The following SLC8A1 variants were observed in gnomAD, a reference collection of about 807,000 sequenced individuals.
The protein encoded by SLC8A1 is solute carrier family 8 member A1.
Under a neutral mutation model 68.3 loss-of-function variants are expected in SLC8A1, and 18 were observed. The ratio of observed to expected loss-of-function variants is 0.26; its 90% confidence interval spans 0.18 to 0.39. The LOEUF is 0.39. Among genes scored for constraint, SLC8A1 ranks in the 10% least tolerant of loss-of-function variants. The probability of loss-of-function intolerance (pLI) is 1.00; values close to 1 mark genes in which losing one functional copy is unlikely to be tolerated. For missense variants in SLC8A1, 985 were observed against 1,156.7 expected (o/e 0.85, Z 2.15); for synonymous variants, 475 against 415.5 (o/e 1.14, Z -1.74).
At chr2:40,241,115 T>C (rs775485272) in intron 2 of SLC8A1, among the ~76,000 whole-genome samples, 3 of 151,832 alleles carry the variant, frequency 2.0e-5, no homozygotes, top group East Asian at 1.9e-4. Context: ...CCATCAACAG[T>C]GGATTGGATA....
At chr2:40,482,829 A>C (rs1367154511) in intron 1 of SLC8A1, among the ~76,000 whole-genome samples, 16 of 137,466 alleles carry the variant, frequency 1.2e-4, no homozygotes, top group Admixed American at 4.7e-4. Context: ...CTCGCTCTGT[A>C]GCCCAGGTTG....
chr2:40,289,035 C>A (rs2149221328), intron 2 of SLC8A1, among the ~76,000 whole-genome samples: 1 of 151,614 alleles, frequency 6.6e-6, no homozygotes, highest in African/African-American at 2.4e-5. Context: ...ACAATATTAT[C>A]CTATGTTCTA....
At chr2:40,455,515 G>A (rs1702947090), upstream of SLC8A1, among the ~76,000 whole-genome samples, 1 of 151,956 alleles carries the variant, frequency 6.6e-6, no homozygotes, top group African/African-American at 2.4e-5. Flanking sequence ...TCAGTCACAG[G>A]CTCAGTTTCA....
At chr2:40,299,485 TGGAA>T (rs1035898867) in intron 2 of SLC8A1, among the ~76,000 whole-genome samples, 1 of 152,176 alleles carries the variant, frequency 6.6e-6, no homozygotes, top group African/African-American at 2.4e-5. Context: ...GAAGGAGCCC[TGGAA>T]GATCTGTTCT....
At chr2:40,272,471 G>A (rs2066167614) in intron 2 of SLC8A1, among the ~76,000 whole-genome samples, 1 of 152,188 alleles carries the variant, frequency 6.6e-6, no homozygotes, top group Non-Finnish European at 1.5e-5. Context: ...GCCCCTTAGA[G>A]TAATAACAGA....
At chr2:40,381,130 A>C (rs967351) in intron 2 of SLC8A1, among the ~76,000 whole-genome samples, 1 of 151,824 alleles carries the variant, frequency 6.6e-6, no homozygotes, top group African/African-American at 2.4e-5. Context: ...TATATCCACA[A>C]CAACAACCTC....
chr2:40,125,267 A>T (rs902910605), intron 7 of SLC8A1, among the ~76,000 whole-genome samples: 4 of 152,162 alleles, frequency 2.6e-5, no homozygotes, highest in Non-Finnish European at 5.9e-5. Context: ...GAGCAGGTGC[A>T]TCTCGAAGGG....
chr2:40,461,383 A>T (rs568635459), intron 1 of SLC8A1, among the ~76,000 whole-genome samples: 1 of 152,262 alleles, frequency 6.6e-6, no homozygotes, highest in Admixed American at 6.5e-5. Context: ...ATCCTTTGCA[A>T]CGTGGATTTA....
intron 2 of SLC8A1, among the ~76,000 whole-genome samples, chr2:40,239,687 CA>C (rs1042921268): frequency 6.6e-6 from 1 of 151,506 alleles, no homozygotes; most frequent in Non-Finnish European, 1.5e-5. Flanking sequence ...CTCAAAAAAA[CA>C]AAAACAAAAA....
chr2:40,502,228 TC>T (rs34730155), intron 1 of SLC8A1, among the ~76,000 whole-genome samples: 1 of 152,078 alleles, frequency 6.6e-6, no homozygotes, highest in African/African-American at 2.4e-5. Flanking sequence ...TGGTTTATTT[TC>T]CCAATTTAGC....
At chr2:40,338,679 G>A (rs1445000707) in intron 2 of SLC8A1, among the ~76,000 whole-genome samples, 1 of 152,160 alleles carries the variant, frequency 6.6e-6, no homozygotes, top group Non-Finnish European at 1.5e-5. Context: ...AAAACAAGTT[G>A]TGTCATAAAG....
intron 2 of SLC8A1, chr2:40,213,089 A>T (rs1400985618): frequency 6.6e-6 from 1 of 152,204 alleles, no homozygotes. Context: ...AAAGATGACT[A>T]AGTTGTCTCT....
intron 6 of SLC8A1, among the ~76,000 whole-genome samples, chr2:40,158,074 A>C (rs1167215806): frequency 2.0e-5 from 3 of 152,194 alleles, no homozygotes; most frequent in Admixed American, 1.3e-4. Context: ...GTTTAGCGAG[A>C]TATATTGAGT....
chr2:40,303,103 G>A lies in SLC8A1; in HGVS notation c.1809-125248C>T, dbSNP rs7575603. On this transcript the variant is annotated intron_variant, in intron 2 of 7. Coordinates refer to ENST00000406785, the Ensembl canonical transcript of SLC8A1. ...AATCTGTATACAGTTACTACACACT[G>A]CCAAAATCTGATTCATTTTGGATAA... 4.3e-3 allele frequency among the ~76,000 whole-genome samples: 652 copies of A among 152,260 alleles called. 5 individuals carry two copies. The highest frequency in any genetic ancestry group is 0.014 in the African/African-American group (573 of 41,546).
At chr2:40,153,926 C>A (rs191984468) in intron 6 of SLC8A1, among the ~76,000 whole-genome samples, 2 of 152,182 alleles carry the variant, frequency 1.3e-5, no homozygotes, top group Admixed American at 1.3e-4. Context: ...CCATGTGTAA[C>A]TGAGATTAAA....
chr2:40,151,917 G>A (rs1442624145), intron 6 of SLC8A1, among the ~76,000 whole-genome samples: 2 of 152,182 alleles, frequency 1.3e-5, no homozygotes, highest in African/African-American at 4.8e-5. Flanking sequence ...AAACTCCAAT[G>A]AGGGCAGTTT....
At chr2:40,241,244 A>G (rs1432297144) in intron 2 of SLC8A1, among the ~76,000 whole-genome samples, 1 of 152,232 alleles carries the variant, frequency 6.6e-6, no homozygotes, top group South Asian at 2.1e-4. Flanking sequence ...GAATTAACAC[A>G]GCAACAGAAA....
chr2:40,509,850 G>A (rs1006657358), intron 1 of SLC8A1, among the ~76,000 whole-genome samples: 75 of 150,848 alleles, frequency 5.0e-4, no homozygotes, highest in African/African-American at 1.7e-3. Context: ...TCACTCTGTC[G>A]TCCAGGCTGG....
chr2:40,389,458 A>G (rs116316361), intron 2 of SLC8A1, among the ~76,000 whole-genome samples: 2,542 of 152,230 alleles, frequency 0.017, 44 homozygotes, highest in Middle Eastern at 0.027. Context: ...GACATTTTAA[A>G]ATATGTATCA....
Sources: gnomAD v4.1 joint callset for allele counts (sites outside exome capture counted in the v4.1 genomes callset) on GRCh38, gnomAD v4.1.1 for gene constraint, MANE v1.5 for transcripts, NCBI Gene and HGNC (gene_info 2026-07-23, HGNC 2026-07-21) for gene names.